Variants in CEP57L1 observed in about 807,000 individuals in gnomAD.
CEP57L1 encodes centrosomal protein 57 like 1, also known as centrosomal protein CEP57L1.
In CEP57L1, 37 loss-of-function variants were observed where a neutral mutation model predicts 61.0. The ratio of observed to expected loss-of-function variants is 0.61; its 90% CI spans 0.47 to 0.80. CEP57L1 has a LOEUF of 0.80. Among genes scored for constraint, CEP57L1 ranks in the 30% least tolerant of loss-of-function variants. The pLI, the probability that CEP57L1 is intolerant of heterozygous loss-of-function variation, is 0.00. For missense variants in CEP57L1, 422 were observed against 524.7 expected (o/e 0.80, Z 1.91); for synonymous variants, 137 against 162.3 (o/e 0.84, Z 1.19).
chr6:109,165,535 T>C lies in CEP57L1; in HGVS notation c.*2565T>C, dbSNP rs1366894205. ...ACTTATTTTGGTTTTTATCTCTTTC[T>C]GTGTGCCTGAAGGGAAATGGCTTTG... is the stretch of plus-strand genomic sequence containing the variant. On this transcript the variant is annotated 3_prime_UTR_variant, in exon 11 of 11. Transcript: ENST00000517392. Among the ~76,000 whole-genome samples the C allele has an allele frequency of 6.6e-6, 1 of 152,148 alleles. No individual in the cohort carries two copies. The highest frequency in any genetic ancestry group is 2.4e-5 in the African/African-American group (1 of 41,438).
chr6:109,148,225 G>A (rs754799614), intron 3 of CEP57L1, among the ~76,000 whole-genome samples: 31 of 151,772 alleles, frequency 2.0e-4, no homozygotes, highest in Non-Finnish European at 4.0e-4. Context: ...CCATTAACTC[G>A]TCATTTAGCA....
chr6:109,166,686 A>T lies in CEP57L1; in HGVS notation c.*3716A>T, dbSNP rs975885764. On this transcript the variant is annotated 3_prime_UTR_variant, in exon 11 of 11. Coordinates refer to ENST00000517392, the MANE Select transcript of CEP57L1 (RefSeq NM_001271852.3). ...GCATGAGCCACTGCGCCCAGCCTAAATGTGTATTCTTATCCATGATAAGAG... is the reference window on the plus strand; with the variant it reads ...GCATGAGCCACTGCGCCCAGCCTAATTGTGTATTCTTATCCATGATAAGAG... Among the ~76,000 whole-genome samples, 3 of 152,092 alleles carry T rather than the reference A, an allele frequency of 2.0e-5. No individual in the cohort carries two copies. Among genetic ancestry groups the T allele is most frequent in the African/African-American group, 7.2e-5 (3 of 41,428 alleles).
intron 1 of CEP57L1, among the ~76,000 whole-genome samples, chr6:109,108,842 T>G (rs1771236756): frequency 6.6e-6 from 1 of 152,234 alleles, no homozygotes; most frequent in African/African-American, 2.4e-5. Context: ...ACTGAATGAT[T>G]TGGCTATATC....
chr6:109,115,605 T>C (rs754517978), intron 1 of CEP57L1, among the ~76,000 whole-genome samples: 3 of 152,178 alleles, frequency 2.0e-5, no homozygotes, highest in Non-Finnish European at 4.4e-5. Context: ...CTGTTATTTT[T>C]TTTAAAAAAT....
rs929160865 is a variant in CEP57L1 at position 109,168,146 on chromosome 6, C to A, written c.*5176C>A. Among the ~76,000 whole-genome samples, 1 of 152,148 alleles carries A rather than the reference C, an allele frequency of 6.6e-6. No individual in the cohort carries two copies. Among genetic ancestry groups the A allele is most frequent in the South Asian group, 2.1e-4 (1 of 4,832 alleles). The stretch of plus-strand genomic sequence containing the variant: ...TTTTCTATCTATCTTGATTTATATA[C>A]CTTCACCTTTTTAAATTTTTTGCCT... On this transcript the variant is annotated 3_prime_UTR_variant, in exon 11 of 11. Transcript: ENST00000517392.
At chr6:109,127,709 C>T (rs1055076270) in intron 1 of CEP57L1, among the ~76,000 whole-genome samples, 2 of 152,030 alleles carry the variant, frequency 1.3e-5, no homozygotes, top group Admixed American at 6.6e-5. Context: ...CAACCTCCGC[C>T]TCCTGGGTTC....
intron 1 of CEP57L1, among the ~76,000 whole-genome samples, chr6:109,110,235 A>T (rs977217111): frequency 6.6e-6 from 1 of 152,192 alleles, no homozygotes; most frequent in African/African-American, 2.4e-5. Context: ...TTGCCATTCT[A>T]ACTGGCATGA....
chr6:109,099,910 G>A (rs1471602631), intron 1 of CEP57L1, among the ~76,000 whole-genome samples: 1 of 152,182 alleles, frequency 6.6e-6, no homozygotes, highest in Non-Finnish European at 1.5e-5. Context: ...CTCTTTTACT[G>A]TGTTCTTTGT....
In CEP57L1 at chr6:109,169,928, A is replaced by G. The variant is rs1365826461; in HGVS notation, c.*6958A>G. On this transcript the variant is annotated 3_prime_UTR_variant, in exon 11 of 11. Coordinates refer to ENST00000517392, the MANE Select transcript of CEP57L1 (RefSeq NM_001271852.3). ...GTACTCTTTAAAAACATGTCATCTT[A>G]CTCAGCAATCAACCTGATTGAATAT... Among the ~76,000 whole-genome samples the G allele has an allele frequency of 9.9e-5, 15 of 152,190 alleles. No homozygotes were observed. Among genetic ancestry groups the G allele is most frequent in the Admixed American group, 9.2e-4 (14 of 15,276 alleles).
intron 1 of CEP57L1, 49 bp downstream of exon 1, chr6:109,095,624 T>G (rs1054111807): frequency 2.1e-6 from 2 of 969,590 alleles, no homozygotes; most frequent in Non-Finnish European, 2.5e-6. Context: ...GGGTTTTTCC[T>G]TCCTCCATTT....
intron 1 of CEP57L1, among the ~76,000 whole-genome samples, chr6:109,136,561 TAAAAA>T (rs373000667): frequency 9.4e-5 from 13 of 138,170 alleles, no homozygotes; most frequent in Non-Finnish European, 1.4e-4. Flanking sequence ...ACTATAAGTA[TAAAAA>T]AAAAAAAAAA....
chr6:109,168,599 T>TTC lies in CEP57L1; in HGVS notation c.*5630_*5631insCT, dbSNP rs1298469974. ...GCGGGTCACTACCAGCATTTTTTTT[T>TTC]TTTTTTTTTTTTTGAGATTGGAGTC... On this transcript the variant is annotated 3_prime_UTR_variant, in exon 11 of 11. Transcript: ENST00000517392. Among the ~76,000 whole-genome samples the TTC allele has an allele frequency of 2.0e-5, 3 of 149,266 alleles. No individual in the cohort carries two copies. The highest frequency in any genetic ancestry group is 7.4e-5 in the African/African-American group (3 of 40,332).
chr6:109,095,541 A>G lies in CEP57L1; in HGVS notation c.-38A>G. ...TGTGGGTGCCCGCGAACCAACGGTT[A>G]GCGGTGGCAGGGGCTGACTGAGAGC... is the stretch of plus-strand genomic sequence containing the variant. On this transcript the variant is annotated 5_prime_UTR_variant, in exon 1 of 11. Transcript: ENST00000517392. 3.0e-6 allele frequency: 3 copies of G among 985,856 alleles called. No homozygotes were observed. The highest frequency in any genetic ancestry group is 3.6e-6 in the Non-Finnish European group (3 of 829,948). 61.1% of individuals were successfully genotyped at this position (985,856 alleles called of 1,614,324 possible). A position where few individuals can be genotyped will look rare whatever the true frequency, so the allele number is the denominator to read the frequency against.
intron 1 of CEP57L1, among the ~76,000 whole-genome samples, chr6:109,095,925 G>A (rs1032215443): frequency 2.0e-5 from 3 of 152,116 alleles, no homozygotes; most frequent in Non-Finnish European, 4.4e-5. Context: ...ACCTTTGTTT[G>A]CCTTTGCTTA....
intron 1 of CEP57L1, among the ~76,000 whole-genome samples, chr6:109,117,705 T>C (rs1772466457): frequency 6.6e-6 from 1 of 152,204 alleles, no homozygotes; most frequent in Admixed American, 6.5e-5. Flanking sequence ...AATTAGGAAA[T>C]TATGCAGATT....
intron 1 of CEP57L1, among the ~76,000 whole-genome samples, chr6:109,112,945 T>C (rs1416111974): frequency 6.6e-6 from 1 of 152,162 alleles, no homozygotes; most frequent in Non-Finnish European, 1.5e-5. Flanking sequence ...TGGTCAATTT[T>C]AGAATAAGTG....
chr6:109,134,328 T>C (rs1266326302), intron 1 of CEP57L1, among the ~76,000 whole-genome samples: 3 of 152,128 alleles, frequency 2.0e-5, no homozygotes, highest in Non-Finnish European at 4.4e-5. Flanking sequence ...GTTATCTCAA[T>C]AGCTGCAGAA....
At chr6:109,115,962 T>C (rs1181619434) in intron 1 of CEP57L1, among the ~76,000 whole-genome samples, 1 of 152,214 alleles carries the variant, frequency 6.6e-6, no homozygotes, top group Non-Finnish European at 1.5e-5. Flanking sequence ...TAAGACTACA[T>C]ACATTTTATA....
At chr6:109,106,871 T>G (rs1583374579) in intron 1 of CEP57L1, among the ~76,000 whole-genome samples, 1 of 152,106 alleles carries the variant, frequency 6.6e-6, no homozygotes, top group South Asian at 2.1e-4. Context: ...ACTCAGGAGG[T>G]AAAGGTTGCA....
Sources: allele counts gnomAD v4.1 joint callset (sites outside exome capture counted in the v4.1 genomes callset), GRCh38; gene constraint gnomAD v4.1.1; transcripts MANE v1.5; gene names NCBI Gene and HGNC (gene_info 2026-07-23, HGNC 2026-07-21).